Variants in CDKAL1 observed in about 807,000 individuals in gnomAD.
CDKAL1 encodes the protein CDKAL1 threonylcarbamoyladenosine tRNA methylthiotransferase, also known as threonylcarbamoyladenosine tRNA methylthiotransferase.
A neutral mutation model predicts 68.2 loss-of-function variants in CDKAL1; 32 were observed. The ratio of observed to expected loss-of-function variants is 0.47; its 90% CI spans 0.35 to 0.63. The LOEUF is 0.63. Among genes scored for constraint, CDKAL1 ranks in the 30% least tolerant of loss-of-function variants. The pLI is 0.00. For missense variants in CDKAL1, 606 were observed against 696.7 expected, an observed-to-expected ratio of 0.87 and a Z score of 1.47; for synonymous variants, 234 against 244.3, an observed-to-expected ratio of 0.96 and a Z score of 0.39.
chr6:21,069,383 C>CT (rs1351101055), intron 12 of CDKAL1, among the ~76,000 whole-genome samples: 3 of 152,064 alleles, frequency 2.0e-5, no homozygotes, highest in Non-Finnish European at 2.9e-5. Flanking sequence ...TTATCATATG[C>CT]TTTTTTGTCT....
intron 9 of CDKAL1, among the ~76,000 whole-genome samples, chr6:20,884,432 C>G (rs544017874): frequency 1.3e-5 from 2 of 152,266 alleles, no homozygotes; most frequent in Non-Finnish European, 2.9e-5. Context: ...AAAGCTTTCC[C>G]CCTAAGATCA....
chr6:20,906,120 C>T (rs2150610388), intron 9 of CDKAL1, among the ~76,000 whole-genome samples: 1 of 152,178 alleles, frequency 6.6e-6, no homozygotes, highest in South Asian at 2.1e-4. Context: ...TAGAGAGTAA[C>T]GACTAACATT....
intron 9 of CDKAL1, among the ~76,000 whole-genome samples, chr6:20,900,979 C>T (rs945913431): frequency 2.0e-5 from 3 of 151,994 alleles, no homozygotes; most frequent in Admixed American, 6.5e-5. Context: ...ATCAATGAGA[C>T]GTGTCGTCTT....
At chr6:20,840,162 G>T (rs1262435321) in intron 8 of CDKAL1, among the ~76,000 whole-genome samples, 1 of 152,154 alleles carries the variant, frequency 6.6e-6, no homozygotes, top group Non-Finnish European at 1.5e-5. Flanking sequence ...CTCTACGGAA[G>T]AATAATAATG....
intron 5 of CDKAL1, among the ~76,000 whole-genome samples, chr6:20,720,947 TG>T (rs1182397135): frequency 6.6e-6 from 1 of 152,228 alleles, no homozygotes; most frequent in Non-Finnish European, 1.5e-5. Context: ...TATTTCTTTT[TG>T]TTCTTTTTAT....
At chr6:20,909,507 G>A (rs1762374215) in intron 9 of CDKAL1, among the ~76,000 whole-genome samples, 1 of 152,214 alleles carries the variant, frequency 6.6e-6, no homozygotes, top group Non-Finnish European at 1.5e-5. Context: ...TATGCAGTCA[G>A]TGAGATTTAC....
chr6:20,753,551 A>G (rs2150342305), intron 6 of CDKAL1, among the ~76,000 whole-genome samples: 1 of 152,342 alleles, frequency 6.6e-6, no homozygotes. Flanking sequence ...AGGCTGTACC[A>G]TCTGGGTTTG....
intron 6 of CDKAL1, chr6:20,756,883 CCTTCCTTCCTTCCTTCCTTCCTT>C (rs1561750333): frequency 1.4e-4 from 12 of 83,614 alleles, no homozygotes; most frequent in South Asian, 1.1e-3. Context: ...TTCCTTCCTT[CCTTCCTTCCTTCCTTCCTTCCTT>C]CCTTCCTTCC....
chr6:20,985,840 A>G (rs79127656), intron 10 of CDKAL1, among the ~76,000 whole-genome samples: 1,563 of 151,148 alleles, frequency 0.01, 24 homozygotes, highest in African/African-American at 0.034. Context: ...CCCTTTCTGT[A>G]CAATGCATTT....
At chr6:20,918,786 C>T (rs1390674708) in intron 9 of CDKAL1, among the ~76,000 whole-genome samples, 5 of 152,160 alleles carry the variant, frequency 3.3e-5, no homozygotes, top group African/African-American at 1.2e-4. Flanking sequence ...TAAAATGATG[C>T]TTCCTGATGG....
intron 13 of CDKAL1, among the ~76,000 whole-genome samples, chr6:21,185,193 A>G (rs1777959529): frequency 6.6e-6 from 1 of 151,350 alleles, no homozygotes; most frequent in South Asian, 2.1e-4. Context: ...TAAGTAGACG[A>G]TGTACTATTG....
chr6:20,635,630 T>A (rs1289735091), intron 4 of CDKAL1, among the ~76,000 whole-genome samples: 1 of 152,198 alleles, frequency 6.6e-6, no homozygotes, highest in African/African-American at 2.4e-5. Flanking sequence ...ATTTTGAATT[T>A]CAGAGTTTTG....
intron 8 of CDKAL1, among the ~76,000 whole-genome samples, chr6:20,829,879 T>C (rs1193331135): frequency 1.3e-5 from 2 of 152,214 alleles, no homozygotes; most frequent in Non-Finnish European, 2.9e-5. Flanking sequence ...TTACTTTTAT[T>C]ATTATTATTT....
chr6:21,115,790 TCTAA>T (rs1046319346), intron 13 of CDKAL1, among the ~76,000 whole-genome samples: 3 of 152,162 alleles, frequency 2.0e-5, no homozygotes, highest in African/African-American at 7.2e-5. Context: ...TCATCCTCAT[TCTAA>T]AGCCAAAGGA....
chr6:20,640,937 T>A (rs1768144356), intron 4 of CDKAL1, among the ~76,000 whole-genome samples: 1 of 152,232 alleles, frequency 6.6e-6, no homozygotes, highest in Non-Finnish European at 1.5e-5. Flanking sequence ...GCTGGATATA[T>A]AATAGGTACT....
intron 8 of CDKAL1, among the ~76,000 whole-genome samples, chr6:20,790,426 A>G (rs1448540570): frequency 6.6e-6 from 1 of 152,132 alleles, no homozygotes; most frequent in Non-Finnish European, 1.5e-5. Flanking sequence ...ACAGAGAATG[A>G]TGAGTCACTG....
At chr6:21,142,028 AT>A (rs924538771) in intron 13 of CDKAL1, among the ~76,000 whole-genome samples, 4 of 151,816 alleles carry the variant, frequency 2.6e-5, no homozygotes, top group Middle Eastern at 3.4e-3. Context: ...TGGATCCAAA[AT>A]TTTTTTTTCC....
chr6:20,948,283 G>T (rs917956815), intron 9 of CDKAL1, among the ~76,000 whole-genome samples: 14 of 152,082 alleles, frequency 9.2e-5, no homozygotes, highest in Admixed American at 8.5e-4. Context: ...CTCCCAAAGA[G>T]CTGGGATTAC....
chr6:20,845,197 T>C (rs1485758897), intron 8 of CDKAL1, among the ~76,000 whole-genome samples: 1 of 152,204 alleles, frequency 6.6e-6, no homozygotes, highest in Non-Finnish European at 1.5e-5. Flanking sequence ...TACTATGGTC[T>C]TTTTAAAGCC....
Sources: gnomAD v4.1 joint callset for allele counts (sites outside exome capture counted in the v4.1 genomes callset) on GRCh38, gnomAD v4.1.1 for gene constraint, MANE v1.5 for transcripts, NCBI Gene and HGNC (gene_info 2026-07-23, HGNC 2026-07-21) for gene names.